ATP8B4: variants seen among roughly 807,000 people sequenced by gnomAD.
ATP8B4 encodes ATPase phospholipid transporting 8B4 (putative).
In ATP8B4, 133 loss-of-function variants were observed where a neutral mutation model predicts 145.6. The ratio of observed to expected loss-of-function variants is 0.91; its 90% CI spans 0.79 to 1.05. The LOEUF is 1.05. Among genes scored for constraint, ATP8B4 ranks in the 50% least tolerant of loss-of-function variants. The pLI is 0.00. For synonymous variants in ATP8B4, 507 were observed against 492.9 expected, an observed-to-expected ratio of 1.03 and a Z score of -0.38; for missense variants, 1,458 against 1,425.2, an observed-to-expected ratio of 1.02 and a Z score of -0.37.
intron 10 of ATP8B4, among the ~76,000 whole-genome samples, chr15:49,986,786 G>A (rs1280922148): frequency 6.6e-6 from 1 of 152,172 alleles, no homozygotes; most frequent in Admixed American, 6.5e-5. Context: ...AGCAAGAGAG[G>A]GCCACCTCGG....
At chr15:49,909,468 T>C (rs963689985) in intron 20 of ATP8B4, among the ~76,000 whole-genome samples, 1 of 152,004 alleles carries the variant, frequency 6.6e-6, no homozygotes, top group African/African-American at 2.4e-5. Flanking sequence ...TCCAGCCCAC[T>C]GTTTCTACTG....
chr15:49,970,232 C>T (rs544253632), intron 13 of ATP8B4, among the ~76,000 whole-genome samples: 45 of 152,148 alleles, frequency 3.0e-4, no homozygotes, highest in Non-Finnish European at 3.7e-4. Context: ...TGCTCTCTCT[C>T]GCCACTTCTG....
rs768977473 is a variant in ATP8B4 at position 49,862,287 on chromosome 15, G to T, written c.3255C>A (p.Phe1085Leu). The T allele has an allele frequency of 3.3e-5, 53 of 1,613,586 alleles. No individual in the cohort carries two copies. The highest frequency in any genetic ancestry group is 4.3e-5 in the Non-Finnish European group (51 of 1,179,750). ...TVASVMPVVA[F>L]RFLKVDLYPT... The stretch of plus-strand genomic sequence containing the variant: ...GGTATAAATCCACCTTCAAAAATCT[G>T]AATGCCACCACTGGCATAACTGAAG... Residue 1085 changes from phenylalanine (F) to leucine (L), a missense_variant, in exon 27 of 28, where the codon TTC becomes TTA. Transcript: ENST00000284509.
At chr15:50,002,954 T>C (rs965833950) in intron 7 of ATP8B4, among the ~76,000 whole-genome samples, 2 of 152,182 alleles carry the variant, frequency 1.3e-5, no homozygotes, top group Non-Finnish European at 2.9e-5. Context: ...GCTCTCTAAA[T>C]TGGCAAAGTG....
At chr15:50,043,883 G>A (rs1459252274) in intron 5 of ATP8B4, among the ~76,000 whole-genome samples, 1 of 151,160 alleles carries the variant, frequency 6.6e-6, no homozygotes, top group Non-Finnish European at 1.5e-5. Flanking sequence ...AACCCGGGAA[G>A]CGGAGCTTGC....
At chr15:49,999,390 G>C (rs1462354543) in intron 8 of ATP8B4, among the ~76,000 whole-genome samples, 2 of 128,230 alleles carry the variant, frequency 1.6e-5, no homozygotes, top group Non-Finnish European at 3.3e-5. Context: ...GTTGTGGGGT[G>C]GGGGGAGGGC....
chr15:49,879,340 G>A, intron 24 of ATP8B4, 36 bp downstream of exon 24: 2 of 1,553,344 alleles, frequency 1.3e-6, no homozygotes, highest in South Asian at 1.2e-5. Context: ...AGGCATAAAA[G>A]AGAAACTAAG....
intron 1 of ATP8B4, among the ~76,000 whole-genome samples, chr15:50,148,035 C>G (rs8029891): frequency 6.6e-6 from 1 of 152,154 alleles, no homozygotes; most frequent in African/African-American, 2.4e-5. Context: ...CTAAGTGATC[C>G]AACTTAATAC....
At chr15:49,996,558 T>C (rs1448918350) in intron 9 of ATP8B4, 119 bp downstream of exon 9, 2 of 802,968 alleles carry the variant, frequency 2.5e-6, no homozygotes, top group African/African-American at 3.4e-5. Context: ...CTTTGATGCC[T>C]GGAGAATTTG....
chr15:49,908,704 C>T (rs893274105), intron 20 of ATP8B4, among the ~76,000 whole-genome samples: 25 of 152,164 alleles, frequency 1.6e-4, no homozygotes, highest in Admixed American at 9.2e-4. Context: ...GCCTGAGGGC[C>T]CAACAGTACT....
chr15:50,156,347 C>T (rs2044419676), intron 1 of ATP8B4, among the ~76,000 whole-genome samples: 1 of 151,720 alleles, frequency 6.6e-6, no homozygotes, highest in Non-Finnish European at 1.5e-5. Flanking sequence ...TCCTTTAAAA[C>T]TTCAATCCTT....
chr15:50,047,703 G>A (rs1251327736), intron 3 of ATP8B4, among the ~76,000 whole-genome samples: 1 of 151,778 alleles, frequency 6.6e-6, no homozygotes, highest in African/African-American at 2.4e-5. Flanking sequence ...AAATGCAAAA[G>A]TCTACCCCTG....
intron 3 of ATP8B4, among the ~76,000 whole-genome samples, chr15:50,065,017 G>T (rs2053281318): frequency 6.6e-6 from 1 of 152,060 alleles, no homozygotes; most frequent in African/African-American, 2.4e-5. Context: ...CAACACTAGC[G>T]ATGACAATTC....
rs776447921 is a variant in ATP8B4 at position 49,931,124 on chromosome 15, A to G, written c.1637T>C (p.Val546Ala). The G allele has an allele frequency of 3.7e-6, 6 of 1,610,350 alleles. No individual in the cohort carries two copies. In the South Asian group the frequency reaches 4.4e-5, roughly 12 times the overall value. ...GTCTTAGCTACCAACCATACCTATG[A>G]CAGACATCCTTTTTCTGGTGTTGTT... ...DFNNTRKRMSVIVRNPEGQIK... is the reference protein window; with the variant it reads ...DFNNTRKRMSAIVRNPEGQIK... Residue 546 changes from valine (V) to alanine (A), a missense_variant, in exon 16 of 28, where the codon GTC becomes GCC. Val to Ala is a moderately conservative substitution (Grantham distance 64). Transcript: ENST00000284509.
chr15:50,161,169 C>T (rs920488599), intron 1 of ATP8B4, among the ~76,000 whole-genome samples: 1 of 152,008 alleles, frequency 6.6e-6, no homozygotes, highest in East Asian at 1.9e-4. Context: ...TCTATTTTGT[C>T]CAATATAAGT....
chr15:49,975,731 T>C (rs973478232), intron 12 of ATP8B4, among the ~76,000 whole-genome samples: 24 of 152,308 alleles, frequency 1.6e-4, no homozygotes, highest in South Asian at 4.1e-4. Flanking sequence ...CAAATTGTCC[T>C]ACTGAAAGTT....
chr15:49,913,758 A>G (rs1205751554), intron 20 of ATP8B4, among the ~76,000 whole-genome samples: 1 of 152,174 alleles, frequency 6.6e-6, no homozygotes, highest in Admixed American at 6.5e-5. Context: ...TGAGAAAGAA[A>G]GCAATCCCAT....
At chr15:49,989,086 G>T (rs1024926056) in intron 9 of ATP8B4, among the ~76,000 whole-genome samples, 1 of 152,150 alleles carries the variant, frequency 6.6e-6, no homozygotes, top group Non-Finnish European at 1.5e-5. Context: ...CTGCTGGCAG[G>T]AGGATTTGGA....
At chr15:50,110,239 G>GA (rs1484897670) in intron 1 of ATP8B4, among the ~76,000 whole-genome samples, 1 of 151,944 alleles carries the variant, frequency 6.6e-6, no homozygotes, top group Non-Finnish European at 1.5e-5. Context: ...AAGTAACATC[G>GA]AAAAAATAAG....
Sources: gnomAD v4.1 joint callset for allele counts (sites outside exome capture counted in the v4.1 genomes callset) on GRCh38, gnomAD v4.1.1 for gene constraint, MANE v1.5 for transcripts, NCBI Gene and HGNC (gene_info 2026-07-23, HGNC 2026-07-21) for gene names.